SULF1: variants seen among roughly 807,000 people sequenced by gnomAD.
SULF1 encodes sulfatase 1, also known as extracellular sulfatase Sulf-1.
Under a neutral mutation model 110.5 loss-of-function variants are expected in SULF1, and 46 were observed. The observed-to-expected ratio is 0.42, with a 90% CI of 0.33 to 0.53. The LOEUF is 0.53. Among genes scored for constraint, SULF1 ranks in the 20% least tolerant of loss-of-function variants. The pLI, the probability that SULF1 is intolerant of heterozygous loss-of-function variation, is 0.12. For synonymous variants in SULF1, 371 were observed against 387.1 expected, an observed-to-expected ratio of 0.96 and a Z score of 0.49; for missense variants, 941 against 1,094.2, an observed-to-expected ratio of 0.86 and a Z score of 1.98.
In SULF1 at chr8:69,654,667, C is replaced by T. The variant is rs566195364; in HGVS notation, c.2586-3838C>T. Among the ~76,000 whole-genome samples the T allele has an allele frequency of 6.6e-5, 10 of 152,282 alleles. No homozygotes were observed. In the East Asian group the frequency reaches 9.7e-4, roughly 15 times the overall value. On this transcript the variant is annotated intron_variant, in intron 22 of 22. Coordinates refer to ENST00000402687, the MANE Select transcript of SULF1 (RefSeq NM_001128205.2). ...GTGCAGAAGACTTGCATCATCACAC[C>T]GGCATCCTCTCCTGCCCCCTCTCCT...
intron 19 of SULF1, among the ~76,000 whole-genome samples, chr8:69,631,921 GT>G (rs1003571548): frequency 2.6e-5 from 4 of 152,204 alleles, no homozygotes; most frequent in African/African-American, 9.7e-5. Context: ...TGTAATCATA[GT>G]TTTTTTGACT....
intron 6 of SULF1, among the ~76,000 whole-genome samples, chr8:69,583,584 A>G (rs1806240323): frequency 6.6e-6 from 1 of 152,240 alleles, no homozygotes; most frequent in South Asian, 2.1e-4. Context: ...AAAAAAATAA[A>G]AAAGATAATT....
chr8:69,568,152 C>G (rs752820418), intron 5 of SULF1, among the ~76,000 whole-genome samples: 2 of 152,180 alleles, frequency 1.3e-5, no homozygotes, highest in Non-Finnish European at 2.9e-5. Flanking sequence ...TAATGCAAAC[C>G]TTTTTGCACC....
chr8:69,645,358 T>C (rs1811813558), intron 22 of SULF1, among the ~76,000 whole-genome samples: 1 of 152,172 alleles, frequency 6.6e-6, no homozygotes, highest in Non-Finnish European at 1.5e-5. Flanking sequence ...CAGAACTCCT[T>C]AAGATCCTCC....
At chr8:69,524,589 T>C (rs1812536148) in intron 3 of SULF1, among the ~76,000 whole-genome samples, 1 of 152,158 alleles carries the variant, frequency 6.6e-6, no homozygotes, top group Non-Finnish European at 1.5e-5. Flanking sequence ...CAGAATCACA[T>C]TTCAACATGA....
intron 1 of SULF1, among the ~76,000 whole-genome samples, chr8:69,484,423 C>T (rs1201152654): frequency 6.6e-6 from 1 of 152,148 alleles, no homozygotes; most frequent in East Asian, 1.9e-4. Context: ...CTTACATGAT[C>T]TAAATACTTA....
intron 3 of SULF1, among the ~76,000 whole-genome samples, chr8:69,517,018 A>G (rs1811972111): frequency 2.0e-5 from 3 of 152,158 alleles, no homozygotes; most frequent in Admixed American, 2.0e-4. Flanking sequence ...TTCTGCTTCC[A>G]TAATAGGATA....
chr8:69,560,012 A>C (rs1002488678), intron 3 of SULF1, among the ~76,000 whole-genome samples: 3 of 152,224 alleles, frequency 2.0e-5, no homozygotes, highest in Admixed American at 2.0e-4. Context: ...ATGTCAGCGC[A>C]GTGAAGAAAG....
chr8:69,504,537 A>G (rs996270252), intron 3 of SULF1, among the ~76,000 whole-genome samples: 1 of 152,234 alleles, frequency 6.6e-6, no homozygotes, highest in Non-Finnish European at 1.5e-5. Context: ...CCTGGGCAAC[A>G]GAGCAAGACT....
intron 3 of SULF1, among the ~76,000 whole-genome samples, chr8:69,547,214 C>A (rs970799906): frequency 6.6e-6 from 1 of 152,104 alleles, no homozygotes; most frequent in Admixed American, 6.6e-5. Flanking sequence ...ACTAATAACA[C>A]CTGCTCTAAT....
intron 1 of SULF1, among the ~76,000 whole-genome samples, chr8:69,481,412 C>A (rs896603550): frequency 2.0e-5 from 3 of 151,976 alleles, no homozygotes; most frequent in Non-Finnish European, 4.4e-5. Context: ...ATTTTTTGAT[C>A]CATAAGAATA....
rs71257190 is a variant in SULF1, at chr8:69,498,113, C to CCACACA, written c.-229+2217_-229+2222dup. 5.2e-3 allele frequency among the ~76,000 whole-genome samples: 777 copies of CCACACA among 148,722 alleles called. 4 individuals are homozygous for CCACACA. The highest frequency in any genetic ancestry group is 0.016 in the African/African-American group (663 of 40,250). On this transcript the variant is annotated intron_variant, in intron 2 of 22. Coordinates refer to ENST00000402687, the MANE Select transcript of SULF1 (RefSeq NM_001128205.2). ...TCTCTCTCTCTGTCTCTCTCTCTCT[C>CCACACA]CACACACACACACACACACACACAC... is the stretch of plus-strand genomic sequence containing the variant.
At chr8:69,614,198 T>C (rs1197249103) in intron 13 of SULF1, among the ~76,000 whole-genome samples, 1 of 152,214 alleles carries the variant, frequency 6.6e-6, no homozygotes, top group African/African-American at 2.4e-5. Flanking sequence ...AAGGCTAATG[T>C]GGCATAGCTT....
Position 69,623,957 on chromosome 8 carries a change from T to A in SULF1, c.1610T>A (p.Phe537Tyr). 6.2e-7 allele frequency: 1 copy of A among 1,613,736 alleles called. No homozygotes were observed. Among genetic ancestry groups the A allele is most frequent in the Non-Finnish European group, 8.5e-7 (1 of 1,179,834 alleles). ...TTACTTCTAGAGTACAAGCCCAGAT[T>A]TGTCCATACTCGGCAGACACGTTCC... ...NQGTPKYKPR[F>Y]VHTRQTRSLS... Residue 537 changes from phenylalanine to tyrosine, a missense_variant, in exon 15 of 23, where the codon TTT (phenylalanine) becomes TAT (tyrosine). Phe to Tyr is a conservative substitution (Grantham distance 22, BLOSUM62 3). This residue lies in a region of SULF1 where 822 missense variants were observed against 934.3 expected (regional missense o/e 0.88). Transcript: ENST00000402687.
chr8:69,589,148 A>G lies in SULF1; in HGVS notation c.734+7A>G, dbSNP rs534720548. ...CCAATGCTTCCCAACACATGTAAGT[A>G]ACAAACTCAACTCTGCGACCTGCCG... On this transcript the variant is annotated splice_region_variant and intron_variant, in intron 8 of 22. Coordinates refer to ENST00000402687, the MANE Select transcript of SULF1 (RefSeq NM_001128205.2). 6 of 1,610,786 alleles carry G rather than the reference A, an allele frequency of 3.7e-6. No individual in the cohort carries two copies. Among genetic ancestry groups the G allele is most frequent in the South Asian group, 1.1e-5 (1 of 90,900 alleles).
chr8:69,627,111 A>G (rs887166422), intron 15 of SULF1, 99 bp from the exon 16 acceptor site: 15 of 886,510 alleles, frequency 1.7e-5, no homozygotes, highest in Non-Finnish European at 2.4e-5. Context: ...ATGTATCAAC[A>G]TTAAGGATTT....
chr8:69,527,350 C>G (rs752831699), intron 3 of SULF1, among the ~76,000 whole-genome samples: 6 of 151,876 alleles, frequency 4.0e-5, no homozygotes, highest in Non-Finnish European at 7.4e-5. Context: ...TAGTAGAAAC[C>G]AAAATAATAC....
intron 3 of SULF1, among the ~76,000 whole-genome samples, chr8:69,539,066 G>A (rs1303146791): frequency 1.3e-5 from 2 of 152,208 alleles, no homozygotes; most frequent in African/African-American, 4.8e-5. Context: ...GTCCAGGGCT[G>A]CCTTTGAAAG....
At chr8:69,528,970 A>G (rs1812890235) in intron 3 of SULF1, among the ~76,000 whole-genome samples, 1 of 152,208 alleles carries the variant, frequency 6.6e-6, no homozygotes, top group Admixed American at 6.5e-5. Flanking sequence ...AAAATAAATT[A>G]GTAATGAAAA....
Sources: allele counts gnomAD v4.1 joint callset (sites outside exome capture counted in the v4.1 genomes callset), GRCh38; gene constraint gnomAD v4.1.1; regional missense constraint gnomAD v4.1.1; transcripts MANE v1.5; gene names NCBI Gene and HGNC (gene_info 2026-07-23, HGNC 2026-07-21).